Variants in CSPG4 observed in about 807,000 individuals in gnomAD.
CSPG4 encodes the protein chondroitin sulfate proteoglycan 4, also known as chondroitin sulfate proteoglycan 4 (melanoma-associated).
A neutral mutation model predicts 139.3 loss-of-function variants in CSPG4; 74 were observed. The ratio of observed to expected loss-of-function variants is 0.53; its 90% CI spans 0.44 to 0.64. The LOEUF is 0.64. Ranked by LOEUF, CSPG4 falls within the 30% of genes least tolerant of loss-of-function variation. The probability of loss-of-function intolerance (pLI) is 0.00; values close to 1 mark genes in which losing one functional copy is unlikely to be tolerated. For synonymous variants in CSPG4, 1,234 were observed against 1,394.2 expected (o/e 0.89, Z 2.56); for missense variants, 2,565 against 3,148.3 (o/e 0.81, Z 4.43).
At position 75,685,501 on chromosome 15, in the gene CSPG4, A is replaced by G; in HGVS notation, c.3990T>C (p.Asp1330=). Residue 1330 remains aspartate (D), a synonymous_variant, in exon 4 of 10, where the codon GAT becomes GAC. Coordinates refer to ENST00000308508, the MANE Select transcript of CSPG4 (RefSeq NM_001897.5). ...CTGAGGCCACATCCAGCGAGAAGGCATCGCTCCAGGCCTCAGGGCGGGAGT... is the reference window on the plus strand; with the variant it reads ...CTGAGGCCACATCCAGCGAGAAGGCGTCGCTCCAGGCCTCAGGGCGGGAGT... ...YLHSRPEAWS[D]AFSLDVASGL... The G allele has an allele frequency of 6.2e-7, 1 of 1,610,928 alleles. No homozygotes were observed.
rs186191601 is a variant in CSPG4, at chr15:75,675,593, C to A, written c.6926G>T (p.Arg2309Leu). The A allele has an allele frequency of 4.0e-6, 6 of 1,512,336 alleles. No homozygotes were observed. The highest frequency in any genetic ancestry group is 5.3e-6 in the Non-Finnish European group (6 of 1,130,788). The allele number at this position is 1,512,336 out of a possible 1,614,324, so 93.7% of individuals were successfully genotyped here. Residue 2309 changes from arginine (R) to leucine (L), a missense_variant, in exon 10 of 10, where the codon CGG (arginine) becomes CTG (leucine). By Grantham distance (102) the Arg-to-Leu change is moderately radical (BLOSUM62 -2). Coordinates refer to ENST00000308508, the MANE Select transcript of CSPG4 (RefSeq NM_001897.5). ...QPDPELLQFC[R>L]TPNPALKNGQ... ...ATTCTTAAGGGCAGGGTTGGGTGTCCGGCAGAACTGCAGCAGCTCTGGGTC... is the reference window on the plus strand; with the variant it reads ...ATTCTTAAGGGCAGGGTTGGGTGTCAGGCAGAACTGCAGCAGCTCTGGGTC...
At chr15:75,682,029 T>C (rs1893980618) in intron 8 of CSPG4, among the ~76,000 whole-genome samples, 1 of 152,162 alleles carries the variant, frequency 6.6e-6, no homozygotes, top group Admixed American at 6.5e-5. Context: ...TTCTGGAAGC[T>C]ATACCCCAAG....
upstream of CSPG4, among the ~76,000 whole-genome samples, chr15:75,713,322 T>C (rs1195192502): frequency 6.6e-6 from 1 of 152,050 alleles, no homozygotes; most frequent in East Asian, 1.9e-4. Flanking sequence ...CCACCCGAGG[T>C]CCTGTGGGGC....
rs1411192470 is a variant in CSPG4, at chr15:75,696,826, T to C, written c.89-3593A>G. Among the ~76,000 whole-genome samples the C allele has an allele frequency of 6.6e-6, 1 of 152,168 alleles. No individual in the cohort carries two copies. Among genetic ancestry groups the C allele is most frequent in the Non-Finnish European group, 1.5e-5 (1 of 68,018 alleles). On this transcript the variant is annotated intron_variant, in intron 1 of 9. Transcript: ENST00000308508. The surrounding 1 kb of genome is among the most constrained non-coding windows in gnomAD (Gnocchi z 4.2). ...CACAGAAAAAGCCTGTTTCCTTCCC[T>C]GCCAAGTCCCTTCTCAGGGGCTAGA... is the stretch of plus-strand genomic sequence containing the variant.
rs1212644538 is a variant in CSPG4 at position 75,684,756 on chromosome 15, T to G, written c.4429A>C (p.Thr1477Pro). ...LPVNDQPPIL[T>P]TNTGLQMWEG... is the part of the protein sequence containing the mutation. Reference sequence around the variant, plus strand: ...CTCACCTGCAGGCCTGTGTTTGTAGTGAGGATGGGGGGTTGGTCATTGACA... The same window carrying G: ...CTCACCTGCAGGCCTGTGTTTGTAGGGAGGATGGGGGGTTGGTCATTGACA... Residue 1477 changes from threonine to proline, a missense_variant, in exon 5 of 10, where the codon ACT becomes CCT. By Grantham distance (38) the Thr-to-Pro change is conservative. Coordinates refer to ENST00000308508, the MANE Select transcript of CSPG4 (RefSeq NM_001897.5). The G allele has an allele frequency of 1.2e-6, 2 of 1,613,146 alleles. No individual in the cohort carries two copies. The highest frequency in any genetic ancestry group is 1.7e-6 in the Non-Finnish European group (2 of 1,179,662).
rs570779256 is a variant in CSPG4 at position 75,682,454 on chromosome 15, C to T, written c.4789G>A (p.Val1597Ile). The change falls in exon 8 of 10, where the codon GTC becomes ATC. Residue 1597 changes from valine to isoleucine, a missense_variant. Transcript: ENST00000308508. ...SQTLTVCPGSVQPLSSQTLRA... is the reference protein window; with the variant it reads ...SQTLTVCPGSIQPLSSQTLRA... ...AGGGTCTGACTGCTGAGTGGCTGGA[C>T]GGACCCTGCCAGAGGCAAAAGGGGA... 4.6e-5 allele frequency: 73 copies of T among 1,578,732 alleles called. No individual in the cohort carries two copies. Among genetic ancestry groups the T allele is most frequent in the East Asian group, 6.7e-5 (3 of 44,608 alleles).
intron 8 of CSPG4, 31 bp downstream of exon 8, chr15:75,682,262 C>T: frequency 6.3e-7 from 1 of 1,596,296 alleles, no homozygotes. Context: ...CTGGGGGCAT[C>T]TGAGTGGTGG....
In CSPG4 at chr15:75,676,988, G is replaced by A; in HGVS notation, c.5531C>T (p.Thr1844Ile). The change falls in exon 10 of 10, where the codon ACC becomes ATC. Residue 1844 changes from threonine (T) to isoleucine (I), a missense_variant. Around this residue, in one of 5 missense-constraint regions of CSPG4, gnomAD observed 2,316 missense variants for 2,818.2 expected, o/e 0.82. Coordinates refer to ENST00000308508, the MANE Select transcript of CSPG4 (RefSeq NM_001897.5). Reference protein sequence around the residue: ...QPQASVPLRLTRGSRAPISRA... With the variant: ...QPQASVPLRLIRGSRAPISRA... ...GGAGATGGGGGCACGAGAGCCTCGGGTGAGCCGGAGTGGGACAGAGGCCTG... is the reference window on the plus strand; with the variant it reads ...GGAGATGGGGGCACGAGAGCCTCGGATGAGCCGGAGTGGGACAGAGGCCTG... 6 of 1,471,828 alleles carry A rather than the reference G, an allele frequency of 4.1e-6. No homozygotes were observed. Among genetic ancestry groups the A allele is most frequent in the Non-Finnish European group, 5.4e-6 (6 of 1,105,850 alleles). 91.2% of individuals were successfully genotyped at this position (1,471,828 alleles called of 1,614,324 possible).
Position 75,684,836 on chromosome 15 carries a change from G to A in CSPG4, c.4349C>T (p.Ala1450Val), listed in dbSNP as rs767302292. ...ATGGCTCTGGCGATCCATCTCGGAG[G>A]CATTAGCCATCAGGACAAAACTGTC... is the stretch of plus-strand genomic sequence containing the variant. The part of the protein sequence containing the change: ...LTDSFVLMAN[A>V]SEMDRQSHPV... Residue 1450 changes from alanine (A) to valine (V), a missense_variant, in exon 5 of 10, where the codon GCC (alanine) becomes GTC (valine). Ala to Val is a moderately conservative substitution (Grantham distance 64, BLOSUM62 0). Coordinates refer to ENST00000308508, the MANE Select transcript of CSPG4 (RefSeq NM_001897.5). 1 of 1,613,646 alleles carries A rather than the reference G, an allele frequency of 6.2e-7. No individual in the cohort carries two copies. The highest frequency in any genetic ancestry group is 1.7e-5 in the Admixed American group (1 of 60,018).
Position 75,687,648 on chromosome 15 carries a change from T to G in CSPG4, c.3417A>C (p.Gln1139His). The stretch of plus-strand genomic sequence containing the variant: ...CCGTGTCGATGGTGCCCTGGCCTCC[T>G]TGAGGGACCACAAGGCTGGAGCCGT... The part of the protein sequence containing the change: ...VANGSSLVVP[Q>H]GGQGTIDTAV... The change falls in exon 3 of 10, where the codon CAA becomes CAC. Residue 1139 changes from glutamine (Q) to histidine (H), a missense_variant. Gln to His is a conservative substitution (Grantham distance 24, BLOSUM62 0). Around this residue, in one of 5 missense-constraint regions of CSPG4, gnomAD observed 2,316 missense variants for 2,818.2 expected, o/e 0.82. Transcript: ENST00000308508. The surrounding 1 kb of genome is among the most constrained non-coding windows in gnomAD (Gnocchi z 5.4). 6.2e-7 allele frequency: 1 copy of G among 1,612,786 alleles called. No homozygotes were observed. The highest frequency in any genetic ancestry group is 8.5e-7 in the Non-Finnish European group (1 of 1,179,914).
In CSPG4 at chr15:75,689,233, T is replaced by C; in HGVS notation, c.1832A>G (p.Glu611Gly). The C allele has an allele frequency of 6.2e-7, 1 of 1,609,900 alleles. No homozygotes were observed. Among genetic ancestry groups the C allele is most frequent in the Non-Finnish European group, 8.5e-7 (1 of 1,179,392 alleles). The change falls in exon 3 of 10, where the codon GAG becomes GGG. Residue 611 changes from glutamate to glycine, a missense_variant. Glu to Gly is a moderately conservative substitution (Grantham distance 98). Around this residue, in one of 5 missense-constraint regions of CSPG4, gnomAD observed 2,316 missense variants for 2,818.2 expected, o/e 0.82. Coordinates refer to ENST00000308508, the MANE Select transcript of CSPG4 (RefSeq NM_001897.5). Reference protein sequence around the residue: ...LPVERRDQPGEPATEFSCREL... With the variant: ...LPVERRDQPGGPATEFSCREL... Reference sequence around the variant, plus strand: ...CCGGCAGGAGAACTCGGTCGCCGGCTCCCCAGGCTGGTCTCGGCGCTCCAC... The same window carrying C: ...CCGGCAGGAGAACTCGGTCGCCGGCCCCCCAGGCTGGTCTCGGCGCTCCAC...
In CSPG4 at chr15:75,678,884, A is replaced by G. The variant is rs370322872; in HGVS notation, c.4951-998T>C. ...GCTCTCAGCCTCCTCTTAACTGCTC[A>G]GTGGCACTGGTGCCGCCAAGCAACC... On this transcript the variant is annotated intron_variant, in intron 8 of 9. Coordinates refer to ENST00000308508, the MANE Select transcript of CSPG4 (RefSeq NM_001897.5). 91 of 427,088 alleles carry G rather than the reference A, an allele frequency of 2.1e-4. 1 individual carries two copies. The East Asian group carries it at 3.7e-3, about 17-fold the overall frequency. The allele number at this position is 427,088 out of a possible 1,614,324, so 26.5% of individuals were successfully genotyped here.
intron 5 of CSPG4, 144 bp from the exon 6 acceptor site, chr15:75,683,185 T>G: frequency 1.3e-6 from 1 of 772,970 alleles, no homozygotes; most frequent in African/African-American, 1.7e-5. Context: ...CTGGCTCCCC[T>G]GCACAAAGGG....
chr15:75,692,419 C>T (rs1894177079), intron 2 of CSPG4, among the ~76,000 whole-genome samples: 1 of 152,252 alleles, frequency 6.6e-6, no homozygotes, highest in African/African-American at 2.4e-5. Context: ...TGCACCCAGC[C>T]TGGCACAAAT....
chr15:75,704,594 T>G (rs1357747257), intron 1 of CSPG4, among the ~76,000 whole-genome samples: 1 of 152,132 alleles, frequency 6.6e-6, no homozygotes, highest in African/African-American at 2.4e-5. Flanking sequence ...GTGAAGGCAG[T>G]GGGGGCCTGC....
At position 75,688,728 on chromosome 15, in the gene CSPG4, G is replaced by A. The variant is rs539224089; in HGVS notation, c.2337C>T (p.Ile779=). 3 of 1,611,508 alleles carry A rather than the reference G, an allele frequency of 1.9e-6. No individual in the cohort carries two copies. The South Asian group carries it at 3.3e-5, about 18-fold the overall frequency. ...GCAGCATCCACACAGTGGCTCTCTG[G>A]ATGGTCACTGGGAAGGACAGATTGC... is the stretch of plus-strand genomic sequence containing the variant. ...ILSNLSFPVT[I]QRATVWMLRL... The change falls in exon 3 of 10, where the codon ATC becomes ATT. Residue 779 remains isoleucine, a synonymous_variant. Coordinates refer to ENST00000308508, the MANE Select transcript of CSPG4 (RefSeq NM_001897.5).
intron 1 of CSPG4, among the ~76,000 whole-genome samples, chr15:75,700,960 C>T (rs1052632713): frequency 6.6e-6 from 1 of 152,182 alleles, no homozygotes; most frequent in African/African-American, 2.4e-5. Context: ...ATGTCCAGGG[C>T]AGAAGCCTGG....
At chr15:75,684,690 C>G in intron 5 of CSPG4, 46 bp downstream of exon 5, 1 of 1,580,034 alleles carries the variant, frequency 6.3e-7, no homozygotes, top group Non-Finnish European at 8.7e-7. Context: ...GGACGCTGGC[C>G]TCTTTCTCGA....
In CSPG4 at chr15:75,677,266, G is replaced by A; in HGVS notation, c.5253C>T (p.Val1751=). The A allele has an allele frequency of 6.7e-7, 1 of 1,497,754 alleles. No individual in the cohort carries two copies. The highest frequency in any genetic ancestry group is 8.9e-7 in the Non-Finnish European group (1 of 1,118,608). The allele number at this position is 1,497,754 out of a possible 1,614,324, so 92.8% of individuals were successfully genotyped here. ...GCTGGCCCCGGCTGGGGAACTGTGT[G>A]ACCTGGAAGAGCACATCATGCTCTG... ...QRSEHDVLFQ[V]TQFPSRGQLL... is the part of the protein sequence containing the mutation. The change falls in exon 10 of 10, where the codon GTC becomes GTT. Residue 1751 remains valine, a synonymous_variant. Coordinates refer to ENST00000308508, the MANE Select transcript of CSPG4 (RefSeq NM_001897.5).
Sources: gnomAD v4.1 joint callset for allele counts (sites outside exome capture counted in the v4.1 genomes callset) on GRCh38, gnomAD v4.1.1 for gene constraint, gnomAD v4.1.1 regional missense constraint, Gnocchi (gnomAD v3.1) non-coding constraint, MANE v1.5 for transcripts, NCBI Gene and HGNC (gene_info 2026-07-23, HGNC 2026-07-21) for gene names.